PTCHD4: variants seen among roughly 807,000 people sequenced by gnomAD.
PTCHD4 encodes the protein patched domain containing 4.
PTCHD4 carries 33 observed loss-of-function variants against 58.1 expected under a neutral mutation model. The ratio of observed to expected loss-of-function variants is 0.57; its 90% CI spans 0.43 to 0.76. The LOEUF is 0.76. PTCHD4 is among the 30% of genes least tolerant of loss of function. The pLI is 0.00. For synonymous variants in PTCHD4, 478 were observed against 409.6 expected (o/e 1.17, Z -2.02); for missense variants, 1,058 against 1,027.1 (o/e 1.03, Z -0.41).
At chr6:47,886,052 A>G (rs1056952695) in intron 4 of PTCHD4, among the ~76,000 whole-genome samples, 30 of 151,630 alleles carry the variant, frequency 2.0e-4, no homozygotes, top group African/African-American at 7.3e-4. Flanking sequence ...TCCCGACCTC[A>G]AGTAATCTGC....
chr6:48,038,431 C>G (rs994459059), intron 3 of PTCHD4, among the ~76,000 whole-genome samples: 2 of 151,762 alleles, frequency 1.3e-5, no homozygotes, highest in Non-Finnish European at 2.9e-5. Context: ...CACTTGAGGT[C>G]AGAAGTTTGA....
intron 4 of PTCHD4, among the ~76,000 whole-genome samples, chr6:47,985,958 C>T (rs967817059): frequency 6.7e-6 from 1 of 148,866 alleles, no homozygotes. Flanking sequence ...GAGTAATTGT[C>T]TATGTAAGCA....
At chr6:48,067,056 A>C (rs1452748612) in intron 3 of PTCHD4, among the ~76,000 whole-genome samples, 1 of 152,198 alleles carries the variant, frequency 6.6e-6, no homozygotes, top group Non-Finnish European at 1.5e-5. Flanking sequence ...ACATTAAAAA[A>C]ATTTTTTTCT....
intron 4 of PTCHD4, among the ~76,000 whole-genome samples, chr6:47,987,815 T>A (rs1768130626): frequency 6.6e-6 from 1 of 151,960 alleles, no homozygotes; most frequent in Non-Finnish European, 1.5e-5. Context: ...CTGGCTCTGT[T>A]GCCCAGGCTG....
chr6:47,949,667 C>G (rs1307654227), intron 4 of PTCHD4, among the ~76,000 whole-genome samples: 1 of 151,884 alleles, frequency 6.6e-6, no homozygotes, highest in African/African-American at 2.4e-5. Flanking sequence ...TTTTTTTCCC[C>G]CCAGATTTCC....
chr6:47,910,316 A>T (rs1458581137), intron 4 of PTCHD4, among the ~76,000 whole-genome samples: 2 of 152,152 alleles, frequency 1.3e-5, no homozygotes, highest in African/African-American at 2.4e-5. Flanking sequence ...CCTCCACAAG[A>T]TGGAGAATCC....
intron 4 of PTCHD4, among the ~76,000 whole-genome samples, chr6:47,891,293 C>T (rs988153267): frequency 5.3e-5 from 8 of 150,724 alleles, no homozygotes; most frequent in Non-Finnish European, 1.0e-4. Flanking sequence ...GTCAAGTAGG[C>T]CATGGTGCTG....
At chr6:48,061,070 C>T (rs1265105977) in intron 3 of PTCHD4, among the ~76,000 whole-genome samples, 2 of 152,184 alleles carry the variant, frequency 1.3e-5, no homozygotes, top group East Asian at 3.9e-4. Flanking sequence ...TTTTGTGTTT[C>T]ATTTTCCTCC....
intron 1 of PTCHD4, among the ~76,000 whole-genome samples, chr6:48,092,900 C>T (rs1030901336): frequency 7.2e-5 from 11 of 152,152 alleles, no homozygotes; most frequent in Non-Finnish European, 1.3e-4. Flanking sequence ...TATCATGTAT[C>T]ATGGTCTTGT....
At chr6:48,057,976 C>T (rs915557219) in intron 3 of PTCHD4, among the ~76,000 whole-genome samples, 4 of 152,098 alleles carry the variant, frequency 2.6e-5, no homozygotes, top group Non-Finnish European at 5.9e-5. Context: ...CAATGAAGGC[C>T]TCAGGTAGAG....
intron 3 of PTCHD4, among the ~76,000 whole-genome samples, chr6:48,029,306 A>C (rs745508581): frequency 6.6e-6 from 1 of 152,022 alleles, no homozygotes; most frequent in Non-Finnish European, 1.5e-5. Context: ...TTTATAAAAA[A>C]CTCTGACATA....
chr6:47,997,375 C>T (rs770871435), intron 4 of PTCHD4, among the ~76,000 whole-genome samples: 2 of 151,820 alleles, frequency 1.3e-5, no homozygotes, highest in Non-Finnish European at 2.9e-5. Flanking sequence ...ATTATTTATG[C>T]CTTTTATTAT....
At chr6:47,976,764 G>A (rs1217569348) in intron 4 of PTCHD4, among the ~76,000 whole-genome samples, 3 of 151,522 alleles carry the variant, frequency 2.0e-5, no homozygotes, top group African/African-American at 7.3e-5. Context: ...AATATAAATA[G>A]ATAATTTACA....
At position 48,093,693 on chromosome 6, in the gene PTCHD4, C is replaced by T. The variant is rs112115548; in HGVS notation, c.-970+17356G>A. On this transcript the variant is annotated intron_variant, in intron 1 of 4. Coordinates refer to ENST00000339488, the MANE Select transcript of PTCHD4 (RefSeq NM_001384253.1). Reference sequence around the variant, plus strand: ...TTAATCACCTCTTACTACATTGTCACCCCTTTTCCCCACCTTCATATATTA... The same window carrying T: ...TTAATCACCTCTTACTACATTGTCATCCCTTTTCCCCACCTTCATATATTA... Among the ~76,000 whole-genome samples the T allele has an allele frequency of 4.7e-3, 713 of 152,098 alleles. 2 individuals carry two copies. The highest frequency in any genetic ancestry group is 0.011 in the Admixed American group (165 of 15,276).
chr6:48,103,912 A>G lies in PTCHD4; in HGVS notation c.-970+7137T>C, dbSNP rs200979524. On this transcript the variant is annotated intron_variant, in intron 1 of 4. Transcript: ENST00000339488. ...GAGAAGTTTAGAGGAAAAAGAATAAAAAGAAACAAACAAAGCCTCCAAGAA... is the reference window on the plus strand; with the variant it reads ...GAGAAGTTTAGAGGAAAAAGAATAAGAAGAAACAAACAAAGCCTCCAAGAA... 2.0e-4 allele frequency among the ~76,000 whole-genome samples: 30 copies of G among 152,326 alleles called. 1 individual carries two copies. In the East Asian group the frequency reaches 4.2e-3, roughly 22 times the overall value.
intron 4 of PTCHD4, among the ~76,000 whole-genome samples, chr6:47,950,723 G>A (rs1168002920): frequency 6.6e-6 from 1 of 152,152 alleles, no homozygotes. Flanking sequence ...AAATGTGGGG[G>A]ATGACGGAAC....
At chr6:47,920,455 C>T (rs1765395945) in intron 4 of PTCHD4, among the ~76,000 whole-genome samples, 1 of 152,090 alleles carries the variant, frequency 6.6e-6, no homozygotes, top group Non-Finnish European at 1.5e-5. Context: ...GAATTTGATA[C>T]ATTTTGAGAT....
intron 4 of PTCHD4, among the ~76,000 whole-genome samples, chr6:47,946,987 C>T (rs1452262899): frequency 6.6e-6 from 1 of 152,018 alleles, no homozygotes; most frequent in East Asian, 1.9e-4. Context: ...CAGGTGTGCA[C>T]CACCGTGCCC....
intron 4 of PTCHD4, among the ~76,000 whole-genome samples, chr6:47,919,705 A>C (rs778770013): frequency 6.6e-6 from 1 of 152,174 alleles, no homozygotes; most frequent in Non-Finnish European, 1.5e-5. Context: ...GCAACCATTA[A>C]AAGGCTTTAA....
Sources: allele counts gnomAD v4.1 joint callset (sites outside exome capture counted in the v4.1 genomes callset), GRCh38; gene constraint gnomAD v4.1.1; transcripts MANE v1.5; gene names NCBI Gene and HGNC (gene_info 2026-07-23, HGNC 2026-07-21).